The following CDH13 variants were observed in gnomAD, a reference collection of about 807,000 sequenced individuals.
The protein encoded by CDH13 is cadherin-13.
CDH13 carries 24 observed loss-of-function variants against 63.8 expected under a neutral mutation model. The ratio of observed to expected loss-of-function variants is 0.38; its 90% CI spans 0.27 to 0.53. CDH13 has a LOEUF of 0.53. CDH13 is among the 20% of genes least tolerant of loss of function. The pLI, the probability that CDH13 is intolerant of heterozygous loss-of-function variation, is 0.85. For synonymous variants in CDH13, 503 were observed against 355.3 expected, an observed-to-expected ratio of 1.42 and a Z score of -4.67; for missense variants, 1,049 against 903.1, an observed-to-expected ratio of 1.16 and a Z score of -2.07.
chr16:83,427,184 G>T (rs1297525674), intron 6 of CDH13, among the ~76,000 whole-genome samples: 1 of 151,958 alleles, frequency 6.6e-6, no homozygotes, highest in East Asian at 1.9e-4. Context: ...AAAGTGCTGG[G>T]ATTACAGGTG....
At chr16:83,733,139 G>A (rs451434) in intron 10 of CDH13, among the ~76,000 whole-genome samples, 118,085 of 152,194 alleles carry the variant, frequency 0.78, 46,181 homozygotes, top group Middle Eastern at 0.82. Context: ...TGGTCAAAGC[G>A]TATGTATGGA....
chr16:82,717,518 C>CT (rs367661687), intron 1 of CDH13, among the ~76,000 whole-genome samples: 67 of 151,394 alleles, frequency 4.4e-4, no homozygotes, highest in African/African-American at 1.6e-3. Context: ...TTTCAATGGG[C>CT]TAGAGGCAAG....
chr16:83,104,350 G>A (rs2034657563), intron 3 of CDH13, among the ~76,000 whole-genome samples: 1 of 152,134 alleles, frequency 6.6e-6, no homozygotes, highest in South Asian at 2.1e-4. Context: ...AATGTAAACT[G>A]CATGGTGTGG....
chr16:83,053,433 A>C (rs1420392698), intron 3 of CDH13, among the ~76,000 whole-genome samples: 1 of 152,164 alleles, frequency 6.6e-6, no homozygotes, highest in African/African-American at 2.4e-5. Flanking sequence ...TAATGCAGAT[A>C]AGATCAATTC....
chr16:82,647,750 C>G (rs116478461), intron 1 of CDH13, among the ~76,000 whole-genome samples: 3,285 of 151,796 alleles, frequency 0.022, 50 homozygotes, highest in Middle Eastern at 0.054. Context: ...TGAGCCAGCC[C>G]TGTAATGGAA....
At chr16:83,543,737 T>A (rs1022070269) in intron 7 of CDH13, among the ~76,000 whole-genome samples, 1 of 152,172 alleles carries the variant, frequency 6.6e-6, no homozygotes, top group Non-Finnish European at 1.5e-5. Context: ...GGTATGCTGC[T>A]CTCATCTAAT....
At chr16:83,001,075 C>G (rs1451988334) in intron 2 of CDH13, among the ~76,000 whole-genome samples, 1 of 152,246 alleles carries the variant, frequency 6.6e-6, no homozygotes, top group Non-Finnish European at 1.5e-5. Flanking sequence ...TACTGCTCTA[C>G]TTACCTGCTT....
At chr16:83,018,369 G>C (rs1338093127) in intron 2 of CDH13, among the ~76,000 whole-genome samples, 2 of 152,066 alleles carry the variant, frequency 1.3e-5, no homozygotes, top group East Asian at 1.9e-4. Flanking sequence ...CTACTGTCTT[G>C]TACATTGTAA....
intron 2 of CDH13, among the ~76,000 whole-genome samples, chr16:82,934,552 A>C (rs1285692170): frequency 6.6e-6 from 1 of 152,220 alleles, no homozygotes; most frequent in Non-Finnish European, 1.5e-5. Flanking sequence ...AAATTTCTGC[A>C]GCAGGCTTGA....
chr16:82,819,973 T>A (rs1025383927), intron 1 of CDH13, among the ~76,000 whole-genome samples: 1 of 152,130 alleles, frequency 6.6e-6, no homozygotes, highest in African/African-American at 2.4e-5. Flanking sequence ...TTAAAATTTA[T>A]CTGAGAAGTG....
At chr16:83,325,757 G>C (rs1049327918) in intron 5 of CDH13, among the ~76,000 whole-genome samples, 2 of 151,952 alleles carry the variant, frequency 1.3e-5, no homozygotes, top group East Asian at 3.9e-4. Flanking sequence ...TCTTCTCAGG[G>C]AACAAATACC....
At chr16:83,382,622 A>G (rs2091590596) in intron 6 of CDH13, among the ~76,000 whole-genome samples, 1 of 152,164 alleles carries the variant, frequency 6.6e-6, no homozygotes, top group Admixed American at 6.5e-5. Flanking sequence ...CAGTGCATCA[A>G]TACATTGATG....
rs554969021 is a variant in CDH13 at position 82,725,466 on chromosome 16, G to A, written c.45+98329G>A. ...CTTGAGGAAGTCATGCAACTCCTCA[G>A]AGCCCCAGCTTTCTCATCTGAAAAA... On this transcript the variant is annotated intron_variant, in intron 1 of 13. Coordinates refer to ENST00000567109, the MANE Select transcript of CDH13 (RefSeq NM_001257.5). Among the ~76,000 whole-genome samples the A allele has an allele frequency of 2.0e-5, 3 of 152,268 alleles. No homozygotes were observed. In the South Asian group the frequency reaches 6.2e-4, roughly 32 times the overall value.
At chr16:83,570,946 C>CATATATATGTAT (rs1491454953) in intron 7 of CDH13, among the ~76,000 whole-genome samples, 13 of 110,084 alleles carry the variant, frequency 1.2e-4, no homozygotes, top group Non-Finnish European at 2.4e-4. Flanking sequence ...ATAACTCATC[C>CATATATATGTAT]ATATATATAT....
chr16:83,237,186 C>T (rs1389734548), intron 5 of CDH13, among the ~76,000 whole-genome samples: 1 of 152,130 alleles, frequency 6.6e-6, no homozygotes. Flanking sequence ...AAGAGAGGCC[C>T]TCAAGAGAAG....
intron 4 of CDH13, among the ~76,000 whole-genome samples, chr16:83,193,186 G>A (rs531406311): frequency 7.9e-5 from 12 of 151,926 alleles, no homozygotes; most frequent in Non-Finnish European, 1.6e-4. Context: ...ATTAGCCGTG[G>A]CAGCTATGTG....
At chr16:83,171,653 G>A (rs1195898689) in intron 4 of CDH13, 26 of 1,121,010 alleles carry the variant, frequency 2.3e-5, no homozygotes, top group Non-Finnish European at 3.1e-5. Context: ...GCCATCAGGG[G>A]ATTTAGTGAC....
intron 6 of CDH13, among the ~76,000 whole-genome samples, chr16:83,373,588 C>T (rs561834263): frequency 2.0e-5 from 3 of 152,244 alleles, no homozygotes; most frequent in South Asian, 4.2e-4. Flanking sequence ...CACCATGATA[C>T]AGGTGTTGGA....
chr16:82,627,640 G>T (rs1330773242), intron 1 of CDH13, among the ~76,000 whole-genome samples: 1 of 152,110 alleles, frequency 6.6e-6, no homozygotes, highest in Non-Finnish European at 1.5e-5. Context: ...TTCCCAGGGC[G>T]CCCGGGCCCC....
Sources: gnomAD v4.1 joint callset for allele counts (sites outside exome capture counted in the v4.1 genomes callset) on GRCh38, gnomAD v4.1.1 for gene constraint, MANE v1.5 for transcripts, NCBI Gene and HGNC (gene_info 2026-07-23, HGNC 2026-07-21) for gene names.